Variants in TSC22D4 observed in about 807,000 individuals in gnomAD.
TSC22D4 encodes the protein TSC22 domain family member 4.
Under a neutral mutation model 24.9 loss-of-function variants are expected in TSC22D4, and 5 were observed. The ratio of observed to expected loss-of-function variants is 0.20; its 90% CI spans 0.10 to 0.42. TSC22D4 has a LOEUF of 0.42. TSC22D4 is among the 10% of genes least tolerant of loss of function. The pLI, the probability that TSC22D4 is intolerant of heterozygous loss-of-function variation, is 1.00. For synonymous variants in TSC22D4, 245 were observed against 243.2 expected (o/e 1.01, Z -0.07); for missense variants, 469 against 547.9 (o/e 0.86, Z 1.44).
Position 100,477,752 on chromosome 7 carries a change from T to C in TSC22D4, c.287A>G (p.Tyr96Cys). Residue 96 changes from tyrosine (Y) to cysteine (C), a missense_variant, in exon 2 of 5, where the codon TAT becomes TGT. By Grantham distance (194) the Tyr-to-Cys change is radical. Transcript: ENST00000300181. This position sits in a 1 kb window ranked among gnomAD's most constrained non-coding sequence, Gnocchi z 7.8. The part of the protein sequence containing the change: ...RRGRWTCVDV[Y>C]ERDLEPHSFG... ...GCTGTGGGGCTCCAGGTCTCGCTCA[T>C]AAACATCCACACACGTCCAGCGACC... 1 of 1,604,476 alleles carries C rather than the reference T, an allele frequency of 6.2e-7. No individual in the cohort carries two copies. Among genetic ancestry groups the C allele is most frequent in the Non-Finnish European group, 8.5e-7 (1 of 1,179,802 alleles).
At position 100,466,918 on chromosome 7, in the gene TSC22D4, G is replaced by C; in HGVS notation, c.*41C>G. On this transcript the variant is annotated 3_prime_UTR_variant, in exon 5 of 5. Transcript: ENST00000300181. ...AAGAGGGGGCAGGCGGCTGACGCAA[G>C]GCCGGGCAGCCCCAAAGGCACATTG... The C allele has an allele frequency of 6.7e-7, 1 of 1,486,014 alleles. No individual in the cohort carries two copies. The highest frequency in any genetic ancestry group is 1.3e-5 in the South Asian group (1 of 75,098). The allele number at this position is 1,486,014 out of a possible 1,614,324, so 92.1% of individuals were successfully genotyped here.
chr7:100,471,406 C>T (rs1016233973), intron 3 of TSC22D4, among the ~76,000 whole-genome samples: 3 of 152,140 alleles, frequency 2.0e-5, no homozygotes, highest in Admixed American at 6.5e-5. Context: ...AGCTGCAGTC[C>T]AGCCACTTAA....
intron 3 of TSC22D4, among the ~76,000 whole-genome samples, chr7:100,473,186 G>A (rs1299136131): frequency 6.6e-6 from 1 of 152,076 alleles, no homozygotes; most frequent in Non-Finnish European, 1.5e-5. Flanking sequence ...TCCCCTAAAG[G>A]GAGAACCCCA....
chr7:100,467,735 T>A, intron 3 of TSC22D4, 135 bp from the exon 4 acceptor site: 1 of 957,136 alleles, frequency 1.0e-6, no homozygotes, highest in Non-Finnish European at 1.7e-6. Context: ...GTTTTGTCCA[T>A]CCCCCTGCGG....
At chr7:100,476,943 C>T (rs1799506975) in intron 2 of TSC22D4, among the ~76,000 whole-genome samples, 1 of 152,170 alleles carries the variant, frequency 6.6e-6, no homozygotes, top group Non-Finnish European at 1.5e-5. Context: ...CTGGGGCCTC[C>T]ACCCTCATCA....
Position 100,466,880 on chromosome 7 carries a change from A to T in TSC22D4, c.*79T>A. On this transcript the variant is annotated 3_prime_UTR_variant, in exon 5 of 5. Transcript: ENST00000300181. The stretch of plus-strand genomic sequence containing the variant: ...CCCACCCCGGGGACACGGGGACATT[A>T]AAGCTGCATAGGAAGAGGGGGCAGG... 2 of 1,369,652 alleles carry T rather than the reference A, an allele frequency of 1.5e-6. No individual in the cohort carries two copies. Among genetic ancestry groups the T allele is most frequent in the Non-Finnish European group, 2.0e-6 (2 of 1,018,998 alleles). 84.8% of individuals were successfully genotyped at this position (1,369,652 alleles called of 1,614,324 possible).
Position 100,477,868 on chromosome 7 carries a change from G to C in TSC22D4, c.171C>G (p.Thr57=). 6.3e-7 allele frequency: 1 copy of C among 1,587,696 alleles called. No homozygotes were observed. Among genetic ancestry groups the C allele is most frequent in the Non-Finnish European group, 8.6e-7 (1 of 1,169,106 alleles). ...CAGGTGGTGGGGAGCCATTCCGGGG[G>C]GTGCCCTTGCCCCCCGGATCGGGGC... is the stretch of plus-strand genomic sequence containing the variant. ...EPSPDPGGKG[T]PRNGSPPPGA... Residue 57 remains threonine, a synonymous_variant, in exon 2 of 5, where the codon ACC becomes ACG. Transcript: ENST00000300181. The surrounding 1 kb of genome is among the most constrained non-coding windows in gnomAD (Gnocchi z 7.8).
In TSC22D4 at chr7:100,477,419, G is replaced by T; in HGVS notation, c.620C>A (p.Ser207Tyr). ...EPETGESAGT[S>Y]RAATPLPSLR... The stretch of plus-strand genomic sequence containing the variant: ...AGAGGGCAGGGGCGTGGCAGCCCGG[G>T]ATGTGCCCGCACTCTCACCGGTCTC... The change falls in exon 2 of 5, where the codon TCC (serine) becomes TAC (tyrosine). Residue 207 changes from serine to tyrosine, a missense_variant. By Grantham distance (144) the Ser-to-Tyr change is moderately radical (BLOSUM62 -2). Coordinates refer to ENST00000300181, the MANE Select transcript of TSC22D4 (RefSeq NM_030935.5). This position sits in a 1 kb window ranked among gnomAD's most constrained non-coding sequence, Gnocchi z 7.8. 22 of 1,591,362 alleles carry T rather than the reference G, an allele frequency of 1.4e-5. No individual in the cohort carries two copies. Among genetic ancestry groups the T allele is most frequent in the Non-Finnish European group, 1.9e-5 (22 of 1,168,596 alleles).
At position 100,477,212 on chromosome 7, in the gene TSC22D4, G is replaced by T; in HGVS notation, c.762+65C>A. The T allele has an allele frequency of 1.6e-6, 2 of 1,269,466 alleles. No homozygotes were observed. The highest frequency in any genetic ancestry group is 1.0e-6 in the Non-Finnish European group (1 of 964,922). 78.6% of individuals were successfully genotyped at this position (1,269,466 alleles called of 1,614,324 possible). A position where few individuals can be genotyped will look rare whatever the true frequency, so the allele number is the denominator to read the frequency against. ...GAGGAGGAGAGGGGGGGGAGGAGGA[G>T]GAAGGAGGCTCAAGATAGAGGTTAG... On this transcript the variant is annotated intron_variant, in intron 2 of 4. Coordinates refer to ENST00000300181, the MANE Select transcript of TSC22D4 (RefSeq NM_030935.5). This position sits in a 1 kb window ranked among gnomAD's most constrained non-coding sequence, Gnocchi z 7.8.
Position 100,477,573 on chromosome 7 carries a change from G to C in TSC22D4, c.466C>G (p.Pro156Ala). The C allele has an allele frequency of 6.3e-7, 1 of 1,584,362 alleles. No individual in the cohort carries two copies. Among genetic ancestry groups the C allele is most frequent in the Non-Finnish European group, 8.6e-7 (1 of 1,166,100 alleles). Residue 156 changes from proline (P) to alanine (A), a missense_variant, in exon 2 of 5, where the codon CCC (proline) becomes GCC (alanine). Physicochemically the swap from Pro to Ala is conservative, Grantham distance 27. Coordinates refer to ENST00000300181, the MANE Select transcript of TSC22D4 (RefSeq NM_030935.5). This position sits in a 1 kb window ranked among gnomAD's most constrained non-coding sequence, Gnocchi z 7.8. ...CGGGCCTGAGGTCCAGGAGAGGTGG[G>C]GGGTGGACGGAGCCAGGAGGTGGGG... ...QGPTSWLRPPPTSPGPQARSF... is the reference protein window; with the variant it reads ...QGPTSWLRPPATSPGPQARSF...
At chr7:100,467,529 G>A (rs1353897569) in intron 4 of TSC22D4, 23 bp downstream of exon 4, 1 of 1,613,632 alleles carries the variant, frequency 6.2e-7, no homozygotes, top group South Asian at 1.1e-5. Flanking sequence ...AGGACCTCCT[G>A]GGACCAAGAT....
intron 2 of TSC22D4, among the ~76,000 whole-genome samples, chr7:100,476,660 G>A (rs1366189933): frequency 6.6e-6 from 1 of 152,142 alleles, no homozygotes; most frequent in East Asian, 1.9e-4. Context: ...ATGGACGGGG[G>A]TGAGCCAGAC....
Position 100,474,337 on chromosome 7 carries a change from T to C in TSC22D4, c.866A>G (p.Gln289Arg), listed in dbSNP as rs745866480. The change falls in exon 3 of 5, where the codon CAG (glutamine) becomes CGG (arginine). Residue 289 changes from glutamine to arginine, a missense_variant. Physicochemically the swap from Gln to Arg is conservative, Grantham distance 43. Transcript: ENST00000300181. This position sits in a 1 kb window ranked among gnomAD's most constrained non-coding sequence, Gnocchi z 4.3. ...SPDPFGAVAA[Q>R]KFSLAHSMLA... is the part of the protein sequence containing the mutation. The stretch of plus-strand genomic sequence containing the variant: ...CATGGAGTGGGCCAGGCTGAACTTC[T>C]GAGCTGCTACTGCTCCGAAGGGGTC... 8.7e-6 allele frequency: 14 copies of C among 1,613,944 alleles called. No homozygotes were observed. The highest frequency in any genetic ancestry group is 3.3e-4 in the Middle Eastern group (2 of 6,084).
At chr7:100,476,112 G>C (rs929110372) in intron 2 of TSC22D4, among the ~76,000 whole-genome samples, 1 of 151,942 alleles carries the variant, frequency 6.6e-6, no homozygotes, top group Non-Finnish European at 1.5e-5. Flanking sequence ...CTTAAGGACA[G>C]AGAGCAGGGA....
Position 100,474,224 on chromosome 7 carries a change from G to A in TSC22D4, c.929+50C>T. ...CTTTCTTACAGCTACCCCGGGTGCT[G>A]GGCGGGGAACCTGAACCCCACGCCC... On this transcript the variant is annotated intron_variant, in intron 3 of 4. Coordinates refer to ENST00000300181, the MANE Select transcript of TSC22D4 (RefSeq NM_030935.5). The surrounding 1 kb of genome is among the most constrained non-coding windows in gnomAD (Gnocchi z 4.3). 6.2e-7 allele frequency: 1 copy of A among 1,600,064 alleles called. No homozygotes were observed.
At chr7:100,472,112 C>T (rs546122089) in intron 3 of TSC22D4, among the ~76,000 whole-genome samples, 4 of 152,174 alleles carry the variant, frequency 2.6e-5, no homozygotes, top group South Asian at 2.1e-4. Context: ...ACTGGTCAGG[C>T]GTCCCCAACT....
intron 2 of TSC22D4, among the ~76,000 whole-genome samples, chr7:100,475,998 T>G: frequency 1.3e-5 from 2 of 148,548 alleles, no homozygotes; most frequent in South Asian, 2.1e-4. Context: ...GCAAAACAGA[T>G]GCGTGCAAAC....
chr7:100,476,081 C>T (rs1428280886), intron 2 of TSC22D4, among the ~76,000 whole-genome samples: 1 of 151,648 alleles, frequency 6.6e-6, no homozygotes, highest in Non-Finnish European at 1.5e-5. Flanking sequence ...GTCTGTGGCC[C>T]CAAGAGAAGC....
Position 100,477,838 on chromosome 7 carries a change from G to T in TSC22D4, c.201C>A (p.Ala67=). Residue 67 remains alanine (A), a synonymous_variant, in exon 2 of 5, where the codon GCC becomes GCA. Transcript: ENST00000300181. This position sits in a 1 kb window ranked among gnomAD's most constrained non-coding sequence, Gnocchi z 7.8. ...TCACCACCCGGAAACGGGAGGAAGG[G>T]GCCCCAGGTGGTGGGGAGCCATTCC... ...TPRNGSPPPG[A]PSSRFRVVKL... 1 of 1,600,770 alleles carries T rather than the reference G, an allele frequency of 6.2e-7. No individual in the cohort carries two copies. The highest frequency in any genetic ancestry group is 1.3e-5 in the African/African-American group (1 of 74,910).
Sources: allele counts gnomAD v4.1 joint callset (sites outside exome capture counted in the v4.1 genomes callset), GRCh38; gene constraint gnomAD v4.1.1; non-coding constraint Gnocchi (gnomAD v3.1); transcripts MANE v1.5; gene names NCBI Gene and HGNC (gene_info 2026-07-23, HGNC 2026-07-21).